The following TNR variants were observed in gnomAD, a reference collection of about 807,000 sequenced individuals.
TNR encodes the protein tenascin R.
In TNR, 45 loss-of-function variants were observed where a neutral mutation model predicts 150.4. That is an observed-to-expected ratio of 0.30 (90% CI 0.24 to 0.38). The LOEUF (loss-of-function observed/expected upper bound fraction) is 0.38, where lower values mean the gene tolerates loss of function less well. TNR is among the 10% of genes least tolerant of loss of function. TNR has a pLI of 1.00. For missense variants in TNR, 1,544 were observed against 1,759.1 expected (o/e 0.88, Z 2.19); for synonymous variants, 687 against 678.4 (o/e 1.01, Z -0.20).
At chr1:175,561,017 T>C (rs1661405792) in intron 1 of TNR, among the ~76,000 whole-genome samples, 1 of 152,200 alleles carries the variant, frequency 6.6e-6, no homozygotes, top group Admixed American at 6.5e-5. Flanking sequence ...ATCTTTAACG[T>C]TCCCCAAGCA....
chr1:175,327,657 G>A (rs1417010108), intron 21 of TNR, among the ~76,000 whole-genome samples: 1 of 152,088 alleles, frequency 6.6e-6, no homozygotes, highest in African/African-American at 2.4e-5. Flanking sequence ...GCCCTGCTCT[G>A]CCAGTCCCTT....
intron 1 of TNR, among the ~76,000 whole-genome samples, chr1:175,661,075 T>C (rs1035832211): frequency 6.6e-6 from 1 of 152,198 alleles, no homozygotes; most frequent in South Asian, 2.1e-4. Context: ...TAATGTTCCA[T>C]TCCACTCTTC....
chr1:175,425,039 G>A (rs956735422), intron 2 of TNR, among the ~76,000 whole-genome samples: 5 of 152,096 alleles, frequency 3.3e-5, no homozygotes, highest in South Asian at 2.1e-4. Flanking sequence ...ATTCTCACCC[G>A]AAACACTATA....
chr1:175,466,129 C>A (rs1657025369), intron 2 of TNR, among the ~76,000 whole-genome samples: 1 of 152,162 alleles, frequency 6.6e-6, no homozygotes, highest in African/African-American at 2.4e-5. Flanking sequence ...TATTACGTGC[C>A]TCTCCATTGA....
At chr1:175,600,127 C>T (rs1483862403) in intron 1 of TNR, among the ~76,000 whole-genome samples, 1 of 152,162 alleles carries the variant, frequency 6.6e-6, no homozygotes, top group Admixed American at 6.5e-5. Context: ...TAGCTGTGAT[C>T]TTGAGCAGGT....
At chr1:175,540,689 A>T (rs1660466818) in intron 1 of TNR, among the ~76,000 whole-genome samples, 1 of 151,548 alleles carries the variant, frequency 6.6e-6, no homozygotes, top group Non-Finnish European at 1.5e-5. Context: ...TTCACTTCAA[A>T]TCCATCCACT....
At chr1:175,739,391 G>C (rs1394082969) in intron 1 of TNR, among the ~76,000 whole-genome samples, 1 of 152,154 alleles carries the variant, frequency 6.6e-6, no homozygotes, top group Non-Finnish European at 1.5e-5. Context: ...TCTTTATCCA[G>C]TGGCCCTTAA....
intron 2 of TNR, among the ~76,000 whole-genome samples, chr1:175,411,318 C>T (rs1022320783): frequency 4.6e-5 from 7 of 152,044 alleles, no homozygotes; most frequent in Non-Finnish European, 2.9e-5. Context: ...TGGGCTAGAA[C>T]GAACATTGAG....
chr1:175,454,674 G>A (rs1423615932), intron 2 of TNR, among the ~76,000 whole-genome samples: 1 of 152,128 alleles, frequency 6.6e-6, no homozygotes, highest in African/African-American at 2.4e-5. Context: ...GTTTCACCAT[G>A]TTGGCCAGGC....
chr1:175,416,544 A>T (rs954664680), intron 2 of TNR, among the ~76,000 whole-genome samples: 2 of 152,184 alleles, frequency 1.3e-5, no homozygotes, highest in African/African-American at 4.8e-5. Flanking sequence ...TCACTGTTCA[A>T]TTATTCTTCT....
intron 2 of TNR, among the ~76,000 whole-genome samples, chr1:175,487,815 A>G (rs1658078511): frequency 6.6e-6 from 1 of 152,202 alleles, no homozygotes; most frequent in South Asian, 2.1e-4. Flanking sequence ...TTTTAATACC[A>G]AATGGAATTG....
chr1:175,690,385 G>A (rs1024702579), intron 1 of TNR, among the ~76,000 whole-genome samples: 1 of 152,234 alleles, frequency 6.6e-6, no homozygotes, highest in Admixed American at 6.5e-5. Context: ...TGATGTGAGA[G>A]TGAGTGATGG....
intron 4 of TNR, among the ~76,000 whole-genome samples, chr1:175,400,705 A>G (rs1348733620): frequency 6.6e-6 from 1 of 152,144 alleles, no homozygotes; most frequent in African/African-American, 2.4e-5. Flanking sequence ...TGTGGCTCTC[A>G]GTGTTTTCAC....
chr1:175,484,540 C>T (rs1472776517), intron 2 of TNR, among the ~76,000 whole-genome samples: 1 of 152,150 alleles, frequency 6.6e-6, no homozygotes, highest in Non-Finnish European at 1.5e-5. Flanking sequence ...TTCTCTCTCT[C>T]TCTCTCTCTG....
chr1:175,671,839 G>A (rs185751058), intron 1 of TNR, among the ~76,000 whole-genome samples: 38 of 151,822 alleles, frequency 2.5e-4, no homozygotes, highest in African/African-American at 8.7e-4. Context: ...ATAATTACTC[G>A]GGCAGCCCAA....
At chr1:175,568,781 TTGAA>T (rs1661748732) in intron 1 of TNR, among the ~76,000 whole-genome samples, 1 of 152,154 alleles carries the variant, frequency 6.6e-6, no homozygotes, top group South Asian at 2.1e-4. Flanking sequence ...CTTGAGACTC[TTGAA>T]GGAAGCCATA....
intron 2 of TNR, among the ~76,000 whole-genome samples, chr1:175,481,377 TCA>T (rs1657803564): frequency 6.6e-6 from 1 of 152,218 alleles, no homozygotes; most frequent in Admixed American, 6.5e-5. Context: ...TGGGAAATTC[TCA>T]GTCATCCTAA....
chr1:175,403,501 C>T lies in TNR; in HGVS notation c.615G>A (p.Pro205=), dbSNP rs1030073087. ...ACACCCCCCGGCTGGAGCAACCCAG[C>T]GGGCAGTAGGGCTCCGAGCAATTCT... ...FGKNCSEPYC[P]LGCSSRGVCV... is the part of the protein sequence containing the mutation. The change falls in exon 4 of 23, where the codon CCG becomes CCA. Residue 205 remains proline (P), a synonymous_variant. Transcript: ENST00000367674. 13 of 1,614,092 alleles carry T rather than the reference C, an allele frequency of 8.1e-6. No homozygotes were observed. Among genetic ancestry groups the T allele is most frequent in the East Asian group, 2.2e-5 (1 of 44,894 alleles).
intron 1 of TNR, among the ~76,000 whole-genome samples, chr1:175,657,853 G>GTATGTATATATA (rs1665231476): frequency 5.7e-5 from 4 of 70,486 alleles, no homozygotes; most frequent in Admixed American, 1.5e-4. Flanking sequence ...CATGGAACAT[G>GTATGTATATATA]TATATATATA....
Sources: gnomAD v4.1 joint callset for allele counts (sites outside exome capture counted in the v4.1 genomes callset) on GRCh38, gnomAD v4.1.1 for gene constraint, MANE v1.5 for transcripts, NCBI Gene and HGNC (gene_info 2026-07-23, HGNC 2026-07-21) for gene names.